Variants in CFAP47 observed in about 807,000 individuals in gnomAD.
The protein encoded by CFAP47 is cilia and flagella associated protein 47.
CFAP47 carries 29 observed loss-of-function variants against 148.1 expected under a neutral mutation model. That is an observed-to-expected ratio of 0.20 (90% CI 0.15 to 0.27). The LOEUF (loss-of-function observed/expected upper bound fraction) is 0.27, where lower values mean the gene tolerates loss of function less well. Among genes scored for constraint, CFAP47 ranks in the 10% least tolerant of loss-of-function variants. The pLI, the probability that CFAP47 is intolerant of heterozygous loss-of-function variation, is 1.00. For synonymous variants in CFAP47, 664 were observed against 577.3 expected (o/e 1.15, Z -2.15); for missense variants, 1,872 against 1,697.5 (o/e 1.10, Z -1.81).
rs192314876 is a variant in CFAP47 at position 36,380,015 on chromosome X, G to A, written c.9354+497G>A. Among the ~76,000 whole-genome samples, 259 of 111,414 alleles carry A rather than the reference G, an allele frequency of 2.3e-3. 1 individual carries two copies. The highest frequency in any genetic ancestry group is 8.1e-3 in the African/African-American group (248 of 30,738). The stretch of plus-strand genomic sequence containing the variant: ...TGTGAGCCAGTAATTATCTGTTAAA[G>A]TCATCATTTTATTAACAGTTAAGGT... On this transcript the variant is annotated intron_variant, in intron 63 of 63. Transcript: ENST00000378653.
At chrX:36,195,198 C>A (rs941545215) in intron 42 of CFAP47, among the ~76,000 whole-genome samples, 1 of 112,458 alleles carries the variant, frequency 8.9e-6, no homozygotes, top group Non-Finnish European at 1.9e-5. Context: ...AAGAAGAATT[C>A]ATTTCTGTAT....
chrX:35,948,832 G>C (rs1006393331), intron 4 of CFAP47, among the ~76,000 whole-genome samples: 3 of 104,433 alleles, frequency 2.9e-5, no homozygotes, highest in Non-Finnish European at 5.9e-5. Context: ...GGTGGTGGGA[G>C]TTAGTGATGG....
chrX:36,008,211 C>A (rs914619747), intron 21 of CFAP47, among the ~76,000 whole-genome samples: 1 of 111,517 alleles, frequency 9.0e-6, no homozygotes, highest in Non-Finnish European at 1.9e-5. Flanking sequence ...AGCTTCTCTT[C>A]CCTGTCAGCT....
intron 10 of CFAP47, among the ~76,000 whole-genome samples, chrX:35,969,205 C>A (rs1057297835): frequency 9.0e-6 from 1 of 110,630 alleles, no homozygotes; most frequent in African/African-American, 3.3e-5. Flanking sequence ...GTATTTAGTC[C>A]TTATGTTTTC....
At chrX:36,213,322 C>T (rs1940123299) in intron 45 of CFAP47, among the ~76,000 whole-genome samples, 1 of 110,887 alleles carries the variant, frequency 9.0e-6, no homozygotes, top group Admixed American at 9.6e-5. Context: ...ATAGCCACTC[C>T]AGCTCACTTT....
At chrX:36,070,145 AAG>A (rs1227713392) in intron 27 of CFAP47, among the ~76,000 whole-genome samples, 1 of 112,183 alleles carries the variant, frequency 8.9e-6, no homozygotes, top group Non-Finnish European at 1.9e-5. Flanking sequence ...TCTGTTATGA[AAG>A]AGTGCAAGAA....
intron 25 of CFAP47, among the ~76,000 whole-genome samples, chrX:36,039,512 C>T (rs951535142): frequency 7.1e-5 from 8 of 111,895 alleles, no homozygotes; most frequent in African/African-American, 2.3e-4. Flanking sequence ...ATATCTCAAA[C>T]GACATGAATT....
intron 57 of CFAP47, among the ~76,000 whole-genome samples, chrX:36,325,783 A>G (rs1941513167): frequency 9.0e-6 from 1 of 111,532 alleles, no homozygotes; most frequent in Admixed American, 9.6e-5. Context: ...GCCCTCAGGA[A>G]AGGAGTTTTA....
At chrX:36,108,581 A>T (rs1352283800) in intron 33 of CFAP47, among the ~76,000 whole-genome samples, 1 of 111,567 alleles carries the variant, frequency 9.0e-6, no homozygotes, top group African/African-American at 3.3e-5. Context: ...TATTTACCAC[A>T]TCCAGTCCTG....
At position 35,951,939 on chromosome X, in the gene CFAP47, T is replaced by C; in HGVS notation, c.1022T>C (p.Val341Ala). Residue 341 changes from valine (V) to alanine (A), a missense_variant, in exon 6 of 64, where the codon GTA becomes GCA. Coordinates refer to ENST00000378653, the MANE Select transcript of CFAP47 (RefSeq NM_001304548.2). ...ACTTTACAACCTTATCAAAAGACTG[T>C]AATTACATTTTGTTTCACCCCAAAG... ...EGTLQPYQKT[V>A]ITFCFTPKLM... is the part of the protein sequence containing the mutation. The C allele has an allele frequency of 8.6e-7, 1 of 1,168,049 alleles. No individual in the cohort carries two copies. Among genetic ancestry groups the C allele is most frequent in the East Asian group, 3.2e-5 (1 of 31,672 alleles).
intron 18 of CFAP47, among the ~76,000 whole-genome samples, chrX:35,996,066 G>A (rs1388198210): frequency 2.7e-5 from 3 of 110,848 alleles, no homozygotes; most frequent in Non-Finnish European, 5.7e-5. Context: ...GTTGTCCAGG[G>A]TGTAGTTTAA....
At chrX:36,196,347 A>G (rs1470550176) in intron 42 of CFAP47, among the ~76,000 whole-genome samples, 3 of 111,643 alleles carry the variant, frequency 2.7e-5, no homozygotes, top group Non-Finnish European at 5.7e-5. Flanking sequence ...CCATCAAAAT[A>G]ATATAATATT....
chrX:36,100,435 T>C (rs1938355338), intron 32 of CFAP47, among the ~76,000 whole-genome samples: 1 of 112,410 alleles, frequency 8.9e-6, no homozygotes, highest in Non-Finnish European at 1.9e-5. Flanking sequence ...TTCTCGAACT[T>C]ACTTCCTGCC....
At position 36,354,098 on chromosome X, in the gene CFAP47, C is replaced by G. The variant is rs782776141; in HGVS notation, c.8851+417C>G. ...CTAATGTAAAGAAATAGAAAATGAA[C>G]ATAAATTAGATATAATATCCAAATA... On this transcript the variant is annotated intron_variant, in intron 60 of 63. Transcript: ENST00000378653. Among the ~76,000 whole-genome samples, 191 of 111,601 alleles carry G rather than the reference C, an allele frequency of 1.7e-3. 1 individual carries two copies. The highest frequency in any genetic ancestry group is 2.6e-3 in the Non-Finnish European group (138 of 53,098).
intron 33 of CFAP47, among the ~76,000 whole-genome samples, chrX:36,112,705 A>G (rs771841549): frequency 1.4e-4 from 16 of 111,420 alleles, no homozygotes; most frequent in Admixed American, 6.7e-4. Flanking sequence ...GTAAGTTGTT[A>G]ACATCTCCCA....
chrX:36,138,779 T>C (rs1427338916), intron 35 of CFAP47, among the ~76,000 whole-genome samples: 2 of 109,233 alleles, frequency 1.8e-5, no homozygotes, highest in Admixed American at 9.7e-5. Flanking sequence ...TAAAAGAGCA[T>C]ATTTATTTAA....
At chrX:36,147,248 G>C (rs368026503) in intron 36 of CFAP47, among the ~76,000 whole-genome samples, 1 of 111,575 alleles carries the variant, frequency 9.0e-6, no homozygotes, top group South Asian at 3.7e-4. Flanking sequence ...AAAAGGAATT[G>C]AGACTTTAAA....
In CFAP47 at chrX:36,283,556, T is replaced by A. The variant is rs139761455; in HGVS notation, c.7589-2073T>A. ...AGTGTTTTTTGGATGAGATTAACATTTGAATCCATGGACTCTGAATAAAGC... is the reference window on the plus strand; with the variant it reads ...AGTGTTTTTTGGATGAGATTAACATATGAATCCATGGACTCTGAATAAAGC... On this transcript the variant is annotated intron_variant, in intron 50 of 63. Transcript: ENST00000378653. Among the ~76,000 whole-genome samples, 667 of 112,002 alleles carry A rather than the reference T, an allele frequency of 6.0e-3. 8 individuals carry two copies. The highest frequency in any genetic ancestry group is 0.02 in the African/African-American group (614 of 30,878).
intron 45 of CFAP47, among the ~76,000 whole-genome samples, chrX:36,227,223 C>G (rs1602055679): frequency 9.0e-6 from 1 of 111,310 alleles, no homozygotes; most frequent in East Asian, 2.8e-4. Context: ...TAGGATGGAA[C>G]AAAAATAACA....
Sources: allele counts gnomAD v4.1 joint callset (sites outside exome capture counted in the v4.1 genomes callset), GRCh38; gene constraint gnomAD v4.1.1; transcripts MANE v1.5; gene names NCBI Gene and HGNC (gene_info 2026-07-23, HGNC 2026-07-21).